CBL: variants seen among roughly 807,000 people sequenced by gnomAD.
CBL encodes Cbl proto-oncogene.
Under a neutral mutation model 96.9 loss-of-function variants are expected in CBL, and 45 were observed. The observed-to-expected ratio is 0.46, with a 90% CI of 0.37 to 0.60. CBL has a LOEUF of 0.60. Among genes scored for constraint, CBL ranks in the 20% least tolerant of loss-of-function variants. CBL has a pLI of 0.00. For synonymous variants in CBL, 420 were observed against 426.8 expected (o/e 0.98, Z 0.20); for missense variants, 1,024 against 1,143.5 (o/e 0.90, Z 1.51).
At chr11:119,250,312 AC>A in intron 2 of CBL, among the ~76,000 whole-genome samples, 1 of 151,982 alleles carries the variant, frequency 6.6e-6, no homozygotes, top group East Asian at 1.9e-4. Flanking sequence ...TATTCCCTCT[AC>A]CCCTTTCAGG....
intron 1 of CBL, among the ~76,000 whole-genome samples, chr11:119,230,077 C>G (rs1302744522): frequency 6.6e-6 from 1 of 151,820 alleles, no homozygotes; most frequent in Non-Finnish European, 1.5e-5. Flanking sequence ...ATTGTCTATC[C>G]ATAGACTAGA....
intron 1 of CBL, among the ~76,000 whole-genome samples, chr11:119,221,832 G>A (rs1156526200): frequency 6.6e-6 from 1 of 151,850 alleles, no homozygotes; most frequent in Non-Finnish European, 1.5e-5. Context: ...TTCTGAGATG[G>A]AGTTTTTAAA....
At chr11:119,250,731 C>T (rs1949664228) in intron 2 of CBL, among the ~76,000 whole-genome samples, 2 of 152,030 alleles carry the variant, frequency 1.3e-5, no homozygotes, top group Admixed American at 1.3e-4. Context: ...TGGGTGTATT[C>T]CTTGAGGCCA....
Position 119,303,049 on chromosome 11 carries a change from AAT to A in CBL, c.*3271_*3272del. The stretch of plus-strand genomic sequence containing the variant: ...GGGGGTCACTGTTCATCACTCTTAA[AAT>A]ATGTGTTTTCTCTATAGAAAAGTAA... On this transcript the variant is annotated 3_prime_UTR_variant, in exon 16 of 16. Transcript: ENST00000264033. 2 of 230,528 alleles carry A rather than the reference AAT, an allele frequency of 8.7e-6. No individual in the cohort carries two copies. Among genetic ancestry groups the A allele is most frequent in the Non-Finnish European group, 1.7e-5 (2 of 116,150 alleles). The allele number at this position is 230,528 out of a possible 1,614,324, so 14.3% of individuals were successfully genotyped here. A position where few individuals can be genotyped will look rare whatever the true frequency, so the allele number is the denominator to read the frequency against.
chr11:119,245,267 C>T (rs1010191305), intron 2 of CBL, among the ~76,000 whole-genome samples: 1 of 151,238 alleles, frequency 6.6e-6, no homozygotes, highest in South Asian at 2.1e-4. Flanking sequence ...GTTTGAGGAC[C>T]CCTTTACATT....
intron 2 of CBL, among the ~76,000 whole-genome samples, chr11:119,236,178 C>G (rs1481523055): frequency 6.6e-6 from 1 of 152,036 alleles, no homozygotes; most frequent in Non-Finnish European, 1.5e-5. Context: ...AACATTTTCA[C>G]CCCCCAACAG....
intron 2 of CBL, among the ~76,000 whole-genome samples, chr11:119,251,355 C>T (rs559759944): frequency 6.6e-6 from 1 of 152,274 alleles, no homozygotes; most frequent in East Asian, 1.9e-4. Flanking sequence ...CTTAGAAACA[C>T]ACAATGGTTC....
At chr11:119,221,936 G>C (rs1429728687) in intron 1 of CBL, among the ~76,000 whole-genome samples, 1 of 152,154 alleles carries the variant, frequency 6.6e-6, no homozygotes, top group Non-Finnish European at 1.5e-5. Context: ...AGGTTGTATA[G>C]CCAGTTAATG....
chr11:119,268,405 A>G (rs1409130961), intron 2 of CBL, among the ~76,000 whole-genome samples: 1 of 152,246 alleles, frequency 6.6e-6, no homozygotes, highest in African/African-American at 2.4e-5. Context: ...AGCTAAGAAG[A>G]TTCTTCAGGT....
chr11:119,219,749 T>C (rs1023470918), intron 1 of CBL, among the ~76,000 whole-genome samples: 17 of 151,842 alleles, frequency 1.1e-4, no homozygotes, highest in Non-Finnish European at 1.5e-5. Flanking sequence ...AGTGGTGCGA[T>C]TTCAGCTCAC....
At chr11:119,213,783 T>C (rs753153507) in intron 1 of CBL, among the ~76,000 whole-genome samples, 2 of 152,046 alleles carry the variant, frequency 1.3e-5, no homozygotes, top group African/African-American at 2.4e-5. Flanking sequence ...CATAGCTCAC[T>C]GCATCCTTAA....
At chr11:119,257,015 A>G (rs1163866326) in intron 2 of CBL, among the ~76,000 whole-genome samples, 1 of 152,162 alleles carries the variant, frequency 6.6e-6, no homozygotes, top group Admixed American at 6.5e-5. Flanking sequence ...ACAGTTGTGC[A>G]TTGTGCTGTG....
In CBL at chr11:119,271,879, A is replaced by G; in HGVS notation, c.588A>G (p.Glu196=). Residue 196 remains glutamate, a splice_region_variant and synonymous_variant, in exon 3 of 16, where the codon GAA becomes GAG. Coordinates refer to ENST00000264033, the MANE Select transcript of CBL (RefSeq NM_005188.4). ...AAEFWRKAFG[E]KTIVPWKSFR... is the part of the protein sequence containing the mutation. ...AATTTTGGAGAAAAGCTTTTGGGGA[A>G]AAGTAAGTCTCAGAATAATGAATTT... 6.2e-7 allele frequency: 1 copy of G among 1,613,928 alleles called. No homozygotes were observed. The highest frequency in any genetic ancestry group is 8.5e-7 in the Non-Finnish European group (1 of 1,179,830).
Position 119,233,597 on chromosome 11 carries a change from C to T in CBL, c.443+902C>T, listed in dbSNP as rs569022829. On this transcript the variant is annotated intron_variant, in intron 2 of 15. Transcript: ENST00000264033. The stretch of plus-strand genomic sequence containing the variant: ...TCCTGCATATTGTTAGCTTAGCTGT[C>T]GTAAATTACATACTGGGAGAGAAAT... 3.9e-5 allele frequency among the ~76,000 whole-genome samples: 6 copies of T among 152,228 alleles called. No homozygotes were observed. The South Asian group carries it at 6.2e-4, about 16-fold the overall frequency.
intron 12 of CBL, among the ~76,000 whole-genome samples, chr11:119,292,528 C>T (rs925493188): frequency 2.9e-4 from 44 of 152,090 alleles, no homozygotes; most frequent in Non-Finnish European, 5.3e-4. Flanking sequence ...TCATGCCATT[C>T]TCCTGCCTCA....
In CBL at chr11:119,299,892, C is replaced by T; in HGVS notation, c.*111C>T. The T allele has an allele frequency of 9.7e-7, 1 of 1,032,766 alleles. No individual in the cohort carries two copies. The highest frequency in any genetic ancestry group is 1.5e-6 in the Non-Finnish European group (1 of 663,698). The allele number at this position is 1,032,766 out of a possible 1,614,324, so 64.0% of individuals were successfully genotyped here. ...TGGTGACTTCACAGTGAAGTCTTGCCCTCTCTGTGGGATATCACATCAGTG... is the reference window on the plus strand; with the variant it reads ...TGGTGACTTCACAGTGAAGTCTTGCTCTCTCTGTGGGATATCACATCAGTG... On this transcript the variant is annotated 3_prime_UTR_variant, in exon 16 of 16. Coordinates refer to ENST00000264033, the MANE Select transcript of CBL (RefSeq NM_005188.4).
intron 2 of CBL, among the ~76,000 whole-genome samples, chr11:119,264,225 A>AT (rs1407908984): frequency 1.3e-5 from 2 of 151,990 alleles, no homozygotes; most frequent in Admixed American, 6.6e-5. Flanking sequence ...TCTTCAGTGG[A>AT]TTTTTTGGTT....
chr11:119,236,446 A>G (rs149301430), intron 2 of CBL, among the ~76,000 whole-genome samples: 13 of 152,026 alleles, frequency 8.6e-5, no homozygotes, highest in East Asian at 3.9e-4. Context: ...TCATATTTCA[A>G]TGTATGGATA....
At chr11:119,214,940 A>C (rs1475091748) in intron 1 of CBL, among the ~76,000 whole-genome samples, 1 of 144,462 alleles carries the variant, frequency 6.9e-6, no homozygotes, top group Admixed American at 7.1e-5. Flanking sequence ...TTAAGGTAAC[A>C]TTTACTAAAA....
Sources: gnomAD v4.1 joint callset for allele counts (sites outside exome capture counted in the v4.1 genomes callset) on GRCh38, gnomAD v4.1.1 for gene constraint, MANE v1.5 for transcripts, NCBI Gene and HGNC (gene_info 2026-07-23, HGNC 2026-07-21) for gene names.